Variants in PDZRN3 observed in about 807,000 individuals in gnomAD.
The protein encoded by PDZRN3 is E3 ubiquitin-protein ligase PDZRN3.
A neutral mutation model predicts 85.7 loss-of-function variants in PDZRN3; 38 were observed. The observed-to-expected ratio is 0.44, with a 90% confidence interval of 0.34 to 0.58. The LOEUF is 0.58. PDZRN3 is among the 20% of genes least tolerant of loss of function. PDZRN3 has a pLI of 0.01. For synonymous variants in PDZRN3, 759 were observed against 638.0 expected, an observed-to-expected ratio of 1.19 and a Z score of -2.86; for missense variants, 1,629 against 1,506.4, an observed-to-expected ratio of 1.08 and a Z score of -1.35.
chr3:73,402,941 C>CTTTTTTTTTTTTTTTTTTTTTTTTT (rs140037400), intron 4 of PDZRN3, among the ~76,000 whole-genome samples: 2 of 115,674 alleles, frequency 1.7e-5, no homozygotes, highest in Admixed American at 8.7e-5. Flanking sequence ...ACATGAAAAG[C>CTTTTTTTTTTTTTTTTTTTTTTTTT]TTTTTTTTTT....
chr3:73,476,129 A>G (rs1299875447), intron 3 of PDZRN3, among the ~76,000 whole-genome samples: 2 of 152,192 alleles, frequency 1.3e-5, no homozygotes, highest in Admixed American at 1.3e-4. Flanking sequence ...CCCTTGGATA[A>G]TATCTTAGTT....
chr3:73,479,485 C>T (rs1463708144), intron 3 of PDZRN3, among the ~76,000 whole-genome samples: 2 of 152,214 alleles, frequency 1.3e-5, no homozygotes, highest in Non-Finnish European at 2.9e-5. Context: ...CATCCACCAG[C>T]CCGCTGTAGC....
At chr3:73,404,070 T>C (rs1007666615) in intron 4 of PDZRN3, 78 bp downstream of exon 4, 2 of 1,419,490 alleles carry the variant, frequency 1.4e-6, no homozygotes, top group Admixed American at 4.4e-5. Flanking sequence ...CATTAATTTT[T>C]TTCACCACAT....
chr3:73,587,091 CTGT>C (rs1222883437), intron 3 of PDZRN3, among the ~76,000 whole-genome samples: 8 of 152,326 alleles, frequency 5.3e-5, no homozygotes, highest in Middle Eastern at 3.4e-3. Context: ...AAGACATCTG[CTGT>C]TAACACGAAG....
At chr3:73,458,101 T>C (rs942655807) in intron 3 of PDZRN3, among the ~76,000 whole-genome samples, 3 of 152,188 alleles carry the variant, frequency 2.0e-5, no homozygotes, top group African/African-American at 7.2e-5. Flanking sequence ...GGTCTGTCCT[T>C]GCTTTTTATT....
chr3:73,571,833 A>C (rs557156878), intron 3 of PDZRN3, among the ~76,000 whole-genome samples: 1 of 152,282 alleles, frequency 6.6e-6, no homozygotes, highest in Non-Finnish European at 1.5e-5. Context: ...TGTGGTCACA[A>C]ATGTGTCCCG....
chr3:73,462,359 C>T (rs1057072132), intron 3 of PDZRN3, among the ~76,000 whole-genome samples: 5 of 151,798 alleles, frequency 3.3e-5, no homozygotes, highest in Non-Finnish European at 5.9e-5. Flanking sequence ...CTGGCTAACA[C>T]GGTGAAACCC....
At chr3:73,513,066 T>G (rs1273839542) in intron 3 of PDZRN3, among the ~76,000 whole-genome samples, 1 of 152,094 alleles carries the variant, frequency 6.6e-6, no homozygotes, top group Non-Finnish European at 1.5e-5. Flanking sequence ...GATAGGGTGT[T>G]GCGGAGGCTG....
chr3:73,597,981 T>C (rs1352551421), intron 3 of PDZRN3, among the ~76,000 whole-genome samples: 1 of 152,188 alleles, frequency 6.6e-6, no homozygotes, highest in Non-Finnish European at 1.5e-5. Context: ...AGATGGTATG[T>C]TCTCCACGTG....
intron 3 of PDZRN3, among the ~76,000 whole-genome samples, chr3:73,557,627 A>C (rs1332081014): frequency 7.9e-6 from 1 of 127,100 alleles, no homozygotes. Context: ...TTAACCAATT[A>C]ATCTCATGGG....
chr3:73,488,162 A>G (rs1194761190), intron 3 of PDZRN3, among the ~76,000 whole-genome samples: 1 of 152,230 alleles, frequency 6.6e-6, no homozygotes, highest in Non-Finnish European at 1.5e-5. Context: ...TAAGGAAACA[A>G]ATGAACTAAA....
intron 3 of PDZRN3, among the ~76,000 whole-genome samples, chr3:73,447,778 G>A (rs1702780140): frequency 6.6e-6 from 1 of 152,162 alleles, no homozygotes. Flanking sequence ...CCATGTTGAT[G>A]TTCTTTCTCC....
intron 1 of PDZRN3, among the ~76,000 whole-genome samples, chr3:73,619,480 A>C (rs1241234195): frequency 6.6e-6 from 1 of 152,248 alleles, no homozygotes; most frequent in East Asian, 1.9e-4. Flanking sequence ...TGAGATGAGA[A>C]TAGAAAGAAC....
intron 3 of PDZRN3, among the ~76,000 whole-genome samples, chr3:73,411,890 G>A (rs1319365702): frequency 6.6e-6 from 1 of 152,164 alleles, no homozygotes; most frequent in African/African-American, 2.4e-5. Context: ...CACTTCCTCT[G>A]TGCCAGACAC....
chr3:73,554,436 G>A (rs1164802987), intron 3 of PDZRN3, among the ~76,000 whole-genome samples: 12 of 151,808 alleles, frequency 7.9e-5, no homozygotes, highest in Non-Finnish European at 5.9e-5. Flanking sequence ...GTAAGTGTCC[G>A]CTTGCTGCTG....
At chr3:73,601,437 T>C (rs191910507) in intron 3 of PDZRN3, among the ~76,000 whole-genome samples, 157 of 152,338 alleles carry the variant, frequency 1.0e-3, no homozygotes, top group Admixed American at 2.3e-3. Context: ...TTGCACTATA[T>C]TACGGCTGTG....
At chr3:73,468,134 A>C (rs929309451) in intron 3 of PDZRN3, among the ~76,000 whole-genome samples, 1 of 152,180 alleles carries the variant, frequency 6.6e-6, no homozygotes, top group African/African-American at 2.4e-5. Context: ...ATTAAAAAAA[A>C]AGCTGAAGAG....
In PDZRN3 at chr3:73,602,409, T is replaced by A. The variant is rs755051290; in HGVS notation, c.863A>T (p.Asp288Val). Residue 288 changes from aspartate (D) to valine (V), a missense_variant, in exon 3 of 10, where the codon GAC becomes GTC. Transcript: ENST00000263666. ...TCCTTCCTTGGCTGCAGGCCCACTG[T>A]CAACTATCTTGGATACAAAGATTCC... ...SEGIFVSKIV[D>V]SGPAAKEGGL... The A allele has an allele frequency of 1.2e-6, 2 of 1,612,196 alleles. No homozygotes were observed. The highest frequency in any genetic ancestry group is 1.1e-5 in the South Asian group (1 of 91,030).
At chr3:73,524,374 A>C (rs563016874) in intron 3 of PDZRN3, among the ~76,000 whole-genome samples, 49 of 152,340 alleles carry the variant, frequency 3.2e-4, no homozygotes, top group Admixed American at 1.2e-3. Context: ...TATTACCACC[A>C]GCTATCAAGG....
Sources: gnomAD v4.1 joint callset for allele counts (sites outside exome capture counted in the v4.1 genomes callset) on GRCh38, gnomAD v4.1.1 for gene constraint, MANE v1.5 for transcripts, NCBI Gene and HGNC (gene_info 2026-07-23, HGNC 2026-07-21) for gene names.